The following DHX37 variants were observed in gnomAD, a reference collection of about 807,000 sequenced individuals.
The protein encoded by DHX37 is DEAH-box helicase 37.
In DHX37, 52 loss-of-function variants were observed where a neutral mutation model predicts 134.3. The ratio of observed to expected loss-of-function variants is 0.39; its 90% CI spans 0.31 to 0.49. The LOEUF (loss-of-function observed/expected upper bound fraction) is 0.49. Among genes scored for constraint, DHX37 ranks in the 20% least tolerant of loss-of-function variants. DHX37 has a pLI of 0.93. For missense variants in DHX37, 1,344 were observed against 1,580.8 expected, an observed-to-expected ratio of 0.85 and a Z score of 2.54; for synonymous variants, 634 against 670.7, an observed-to-expected ratio of 0.95 and a Z score of 0.85.
intron 16 of DHX37, among the ~76,000 whole-genome samples, 167 bp downstream of exon 16, chr12:124,960,145 A>C (rs1022101187): frequency 6.6e-6 from 1 of 152,200 alleles, no homozygotes; most frequent in African/African-American, 2.4e-5. Flanking sequence ...CTGGGGAGGC[A>C]GCGGTCACAG....
Position 124,965,788 on chromosome 12 carries a change from G to A in DHX37, c.1615C>T (p.His539Tyr). Reference sequence around the variant, plus strand: ...TCGCCTGCCGGTAACACCGAGTAATGATCCAAGTTGATCTGGGGCAGCACC... The same window carrying A: ...TCGCCTGCCGGTAACACCGAGTAATAATCCAAGTTGATCTGGGGCAGCACC... Reference protein sequence around the residue: ...AEVLPQINLDHYSVLPAGEGD... With the variant: ...AEVLPQINLDYYSVLPAGEGD... Residue 539 changes from histidine to tyrosine, a missense_variant, in exon 13 of 27, where the codon CAT (histidine) becomes TAT (tyrosine). Physicochemically the swap from His to Tyr is moderately conservative, Grantham distance 83. This residue lies in a region of DHX37 where 289 missense variants were observed against 323.8 expected (regional missense o/e 0.89). Coordinates refer to ENST00000308736, the MANE Select transcript of DHX37 (RefSeq NM_032656.4). 1.2e-6 allele frequency: 2 copies of A among 1,613,854 alleles called. No individual in the cohort carries two copies. Among genetic ancestry groups the A allele is most frequent in the Non-Finnish European group, 1.7e-6 (2 of 1,179,864 alleles).
chr12:124,961,311 C>T (rs1047526911), intron 15 of DHX37, among the ~76,000 whole-genome samples: 27 of 146,250 alleles, frequency 1.8e-4, no homozygotes, highest in Non-Finnish European at 3.0e-4. Flanking sequence ...CGCACGCACA[C>T]ACACTTACAT....
intron 16 of DHX37, among the ~76,000 whole-genome samples, chr12:124,957,479 C>CA (rs2135935443): frequency 6.6e-6 from 1 of 152,326 alleles, no homozygotes; most frequent in Non-Finnish European, 1.5e-5. Flanking sequence ...CACAGGTAGT[C>CA]AGTGAGGCAT....
rs1296799379 is a variant in DHX37, at chr12:124,986,244, A to G, written c.128T>C (p.Val43Ala). 6.2e-7 allele frequency: 1 copy of G among 1,613,464 alleles called. No homozygotes were observed. Among genetic ancestry groups the G allele is most frequent in the East Asian group, 2.2e-5 (1 of 44,844 alleles). ...TAGAACGAGCGCGTTGCTTGCATCA[A>G]CTCCCTTCAACGTGTCCTTGTCTGA... Reference protein sequence around the residue: ...ELEDKDTLKGVDASNALVLPG... With the variant: ...ELEDKDTLKGADASNALVLPG... The change falls in exon 2 of 27, where the codon GTT becomes GCT. Residue 43 changes from valine to alanine, a missense_variant. Coordinates refer to ENST00000308736, the MANE Select transcript of DHX37 (RefSeq NM_032656.4).
chr12:124,950,536 C>G lies in DHX37; in HGVS notation c.2998G>C (p.Glu1000Gln). Residue 1000 changes from glutamate (E) to glutamine (Q), a missense_variant, in exon 23 of 27, where the codon GAG becomes CAG. By Grantham distance (29) the Glu-to-Gln change is conservative. Coordinates refer to ENST00000308736, the MANE Select transcript of DHX37 (RefSeq NM_032656.4). ...KMYMKGVSSV[E>Q]VQWIPALLPS... is the part of the protein sequence containing the mutation. The stretch of plus-strand genomic sequence containing the variant: ...AGCAGGGCCGGGATCCACTGGACCT[C>G]CACGCTAGAGACGCCTGGGGGCCGG... 1 of 1,556,760 alleles carries G rather than the reference C, an allele frequency of 6.4e-7. No homozygotes were observed. Among genetic ancestry groups the G allele is most frequent in the Non-Finnish European group, 8.7e-7 (1 of 1,152,322 alleles).
chr12:124,950,958 G>A (rs946814388), intron 21 of DHX37, 154 bp from the exon 22 acceptor site: 1 of 779,294 alleles, frequency 1.3e-6, no homozygotes, highest in Non-Finnish European at 1.6e-6. Context: ...CCACACGCTG[G>A]AGTCTGATCC....
chr12:124,957,344 C>A (rs527928562), intron 16 of DHX37, among the ~76,000 whole-genome samples: 2 of 152,338 alleles, frequency 1.3e-5, no homozygotes, highest in South Asian at 4.1e-4. Flanking sequence ...TCCATTCACT[C>A]AAAAACACGT....
Position 124,965,023 on chromosome 12 carries a change from G to A in DHX37, c.1736-17C>T. 3 of 1,586,610 alleles carry A rather than the reference G, an allele frequency of 1.9e-6. No homozygotes were observed. The highest frequency in any genetic ancestry group is 2.6e-6 in the Non-Finnish European group (3 of 1,168,178). On this transcript the variant is annotated splice_polypyrimidine_tract_variant and intron_variant, in intron 13 of 26. Transcript: ENST00000308736. ...GCTGCTCACCTGGAGGGAAAGCAGA[G>A]GTCACTGGCACCCAGGCCGGGACAG... is the stretch of plus-strand genomic sequence containing the variant.
In DHX37 at chr12:124,966,870, C is replaced by T. The variant is rs367809292; in HGVS notation, c.1513G>A (p.Asp505Asn). ...PSRARPQEKD[D>N]DQKDSVEEMR... ...TCCTCCACCGAGTCTTTCTGATCGT[C>T]GTCCTTTTCTGGGAGAGGGGCAGGT... Residue 505 changes from aspartate to asparagine, a missense_variant, in exon 12 of 27, where the codon GAC becomes AAC. Around this residue, in one of 7 missense-constraint regions of DHX37, gnomAD observed 289 missense variants for 323.8 expected, o/e 0.89. Coordinates refer to ENST00000308736, the MANE Select transcript of DHX37 (RefSeq NM_032656.4). 4.8e-5 allele frequency: 78 copies of T among 1,614,238 alleles called. No homozygotes were observed. Among genetic ancestry groups the T allele is most frequent in the East Asian group, 1.3e-4 (6 of 44,886 alleles).
chr12:124,964,831 T>A (rs1197503280), intron 14 of DHX37, 99 bp downstream of exon 14: 2 of 1,451,430 alleles, frequency 1.4e-6, no homozygotes, highest in Non-Finnish European at 1.9e-6. Context: ...GGGATGCTGA[T>A]CAAACAGCAG....
In DHX37 at chr12:124,966,807, T is replaced by C. The variant is rs1318138261; in HGVS notation, c.1576A>G (p.Lys526Glu). The C allele has an allele frequency of 1.2e-6, 2 of 1,614,214 alleles. No individual in the cohort carries two copies. Among genetic ancestry groups the C allele is most frequent in the South Asian group, 2.2e-5 (2 of 91,088 alleles). Residue 526 changes from lysine (K) to glutamate (E), a missense_variant, in exon 12 of 27, where the codon AAG becomes GAG. Physicochemically the swap from Lys to Glu is moderately conservative, Grantham distance 56 (BLOSUM62 1). Around this residue, in one of 7 missense-constraint regions of DHX37, gnomAD observed 289 missense variants for 323.8 expected, o/e 0.89. Coordinates refer to ENST00000308736, the MANE Select transcript of DHX37 (RefSeq NM_032656.4). ...CCCCCACGTACCTCAGCCCGCGCCT[T>C]CTTGGCCCTGGCCCTTGACTTCTTA... Reference protein sequence around the residue: ...KFKKSRARAKKARAEVLPQIN... With the variant: ...KFKKSRARAKEARAEVLPQIN...
chr12:124,967,377 G>C, intron 10 of DHX37, 159 bp from the exon 11 acceptor site: 2 of 294,818 alleles, frequency 6.8e-6, no homozygotes, highest in Non-Finnish European at 1.0e-5. Context: ...AGCACGCCCA[G>C]ACTGAAGCAG....
Position 124,968,868 on chromosome 12 carries a change from T to G in DHX37, c.1292A>C (p.Lys431Thr). 1 of 1,614,078 alleles carries G rather than the reference T, an allele frequency of 6.2e-7. No homozygotes were observed. Among genetic ancestry groups the G allele is most frequent in the South Asian group, 1.1e-5 (1 of 91,072 alleles). Residue 431 changes from lysine (K) to threonine (T), a missense_variant and splice_region_variant, in exon 9 of 27, where the codon AAG (lysine) becomes ACG (threonine). By Grantham distance (78) the Lys-to-Thr change is moderately conservative. This residue lies in a region of DHX37 where 289 missense variants were observed against 323.8 expected (regional missense o/e 0.89). Transcript: ENST00000308736. ...RLFAKPPPVI[K>T]VESRQFPVTV... is the part of the protein sequence containing the mutation. ...AGAGGACATGGGACCCTGTGTTACC[T>G]TGATGACCGGCGGCGGCTTGGCGAA...
intron 7 of DHX37, 26 bp downstream of exon 7, chr12:124,972,477 T>C: frequency 6.2e-7 from 1 of 1,613,250 alleles, no homozygotes; most frequent in Non-Finnish European, 8.5e-7. Context: ...CTGGCCTTGC[T>C]CTGTGAGCCA....
At chr12:124,977,575 G>T in intron 4 of DHX37, 85 bp from the exon 5 acceptor site, 1 of 1,443,378 alleles carries the variant, frequency 6.9e-7, no homozygotes, top group South Asian at 1.5e-5. Flanking sequence ...GCTGACACAT[G>T]GGTGCTGAAC....
intron 6 of DHX37, among the ~76,000 whole-genome samples, chr12:124,974,136 T>G (rs1331872460): frequency 6.6e-6 from 1 of 150,998 alleles, no homozygotes; most frequent in African/African-American, 2.4e-5. Context: ...TGTATTTTTT[T>G]CAAGAGATGG....
In DHX37 at chr12:124,970,601, A is replaced by G. The variant is rs151309323; in HGVS notation, c.1191+701T>C. ...CTCACTAGCCCTGTGTCCTCCCTCC[A>G]CTGCCCCCGGCTTTGTCTGTCACTG... On this transcript the variant is annotated intron_variant, in intron 8 of 26. Coordinates refer to ENST00000308736, the MANE Select transcript of DHX37 (RefSeq NM_032656.4). 2.0e-5 allele frequency among the ~76,000 whole-genome samples: 3 copies of G among 152,026 alleles called. No homozygotes were observed. The East Asian group carries it at 5.8e-4, about 29-fold the overall frequency.
At chr12:124,968,058 C>T (rs542660554) in intron 10 of DHX37, among the ~76,000 whole-genome samples, 72 of 140,590 alleles carry the variant, frequency 5.1e-4, no homozygotes, top group African/African-American at 1.8e-3. Flanking sequence ...CCAGCCTGGG[C>T]AACAAGAGTA....
At chr12:124,983,082 A>G (rs75697627) in intron 2 of DHX37, among the ~76,000 whole-genome samples, 1 of 151,872 alleles carries the variant, frequency 6.6e-6, no homozygotes, top group Non-Finnish European at 1.5e-5. Flanking sequence ...TTTTTACTTT[A>G]TTGTTCTTGT....
Sources: gnomAD v4.1 joint callset for allele counts (sites outside exome capture counted in the v4.1 genomes callset) on GRCh38, gnomAD v4.1.1 for gene constraint, gnomAD v4.1.1 regional missense constraint, MANE v1.5 for transcripts, NCBI Gene and HGNC (gene_info 2026-07-23, HGNC 2026-07-21) for gene names.